GABPA: variants seen among roughly 807,000 people sequenced by gnomAD.
The protein encoded by GABPA is GA binding protein transcription factor subunit alpha.
In GABPA, 4 loss-of-function variants were observed where a neutral mutation model predicts 59.4. That is an observed-to-expected ratio of 0.07 (90% confidence interval 0.03 to 0.15). The LOEUF is 0.15. Among genes scored for constraint, GABPA ranks in the 10% least tolerant of loss-of-function variants. The pLI, the probability that GABPA is intolerant of heterozygous loss-of-function variation, is 1.00. For synonymous variants in GABPA, 164 were observed against 183.1 expected (o/e 0.90, Z 0.84); for missense variants, 251 against 543.8 (o/e 0.46, Z 5.36).
rs1459371363 is a variant in GABPA, at chr21:25,770,991, TAAG to T, written c.*1762_*1764del. On this transcript the variant is annotated 3_prime_UTR_variant, in exon 10 of 10. Coordinates refer to ENST00000400075, the MANE Select transcript of GABPA (RefSeq NM_002040.4). ...TAGTACAATTTGGGCACTGTGGTTT[TAAG>T]AATATCTGAGTAAAATAACAATATG... The T allele has an allele frequency of 1.3e-5, 2 of 152,070 alleles. No homozygotes were observed. The highest frequency in any genetic ancestry group is 4.8e-5 in the African/African-American group (2 of 41,440). The allele number at this position is 152,070 out of a possible 1,614,324, so 9.4% of individuals were successfully genotyped here.
At chr21:25,768,288 C>CCTTT (rs1443035096) in intron 9 of GABPA, among the ~76,000 whole-genome samples, 1 of 151,868 alleles carries the variant, frequency 6.6e-6, no homozygotes. Flanking sequence ...TTCTTTTAGA[C>CCTTT]CTTTTCCTTA....
Position 25,741,652 on chromosome 21 carries a change from G to C in GABPA, c.54G>C (p.Glu18Asp). 6.2e-7 allele frequency: 1 copy of C among 1,612,140 alleles called. No homozygotes were observed. The change falls in exon 2 of 10, where the codon GAG becomes GAC. Residue 18 changes from glutamate to aspartate, a missense_variant. By Grantham distance (45) the Glu-to-Asp change is conservative (BLOSUM62 2). Coordinates refer to ENST00000400075, the MANE Select transcript of GABPA (RefSeq NM_002040.4). ...TAGAAATTGAGATTGATGGAACAGAGAAAGCAGAGTGCACAGAAGAAAGGT... is the reference window on the plus strand; with the variant it reads ...TAGAAATTGAGATTGATGGAACAGACAAAGCAGAGTGCACAGAAGAAAGGT... ...ELIEIEIDGT[E>D]KAECTEESIV...
At chr21:25,741,167 G>A (rs145281523) in intron 1 of GABPA, among the ~76,000 whole-genome samples, 52 of 152,102 alleles carry the variant, frequency 3.4e-4, no homozygotes, top group Middle Eastern at 6.8e-3. Flanking sequence ...GTCTCTTGTC[G>A]CCCATACTGG....
chr21:25,750,562 AAAG>A (rs2035485038), intron 4 of GABPA, among the ~76,000 whole-genome samples: 1 of 152,236 alleles, frequency 6.6e-6, no homozygotes, highest in African/African-American at 2.4e-5. Flanking sequence ...CCAAGTTAGA[AAAG>A]AAAATTAGGA....
chr21:25,748,481 A>G (rs2035425062), intron 3 of GABPA, among the ~76,000 whole-genome samples: 1 of 152,218 alleles, frequency 6.6e-6, no homozygotes, highest in South Asian at 2.1e-4. Flanking sequence ...AGGAAAAAAC[A>G]CTAATACTGA....
Position 25,766,415 on chromosome 21 carries a change from A to G in GABPA, c.1136+1628A>G, listed in dbSNP as rs757613085. On this transcript the variant is annotated intron_variant, in intron 9 of 9. Transcript: ENST00000400075. ...AAGGGAAAGATCAATAAACTGGACTATATTTAAATTAGGAATTTCTGTTCG... is the reference window on the plus strand; with the variant it reads ...AAGGGAAAGATCAATAAACTGGACTGTATTTAAATTAGGAATTTCTGTTCG... Among the ~76,000 whole-genome samples the G allele has an allele frequency of 4.3e-4, 66 of 152,146 alleles. 1 individual carries two copies. The highest frequency in any genetic ancestry group is 3.8e-3 in the Admixed American group (58 of 15,262).
intron 5 of GABPA, among the ~76,000 whole-genome samples, chr21:25,756,356 T>C (rs1010471074): frequency 5.3e-5 from 8 of 152,184 alleles, no homozygotes; most frequent in Admixed American, 1.3e-4. Context: ...GACTTTTACC[T>C]GGGCCTTCTC....
At chr21:25,737,394 A>T (rs569057752) in intron 1 of GABPA, among the ~76,000 whole-genome samples, 2 of 152,258 alleles carry the variant, frequency 1.3e-5, no homozygotes, top group East Asian at 1.9e-4. Flanking sequence ...TGGACTAAGC[A>T]TAGAGAACCA....
chr21:25,765,588 A>G lies in GABPA; in HGVS notation c.1136+801A>G, dbSNP rs974095024. 7.9e-5 allele frequency among the ~76,000 whole-genome samples: 12 copies of G among 152,040 alleles called. 1 individual carries two copies. In the East Asian group the frequency reaches 1.5e-3, roughly 20 times the overall value. Reference sequence around the variant, plus strand: ...ACAGTATTACGGCCATGTAACTATTATTACATAGTTGGCTGTGATTATTTT... The same window carrying G: ...ACAGTATTACGGCCATGTAACTATTGTTACATAGTTGGCTGTGATTATTTT... On this transcript the variant is annotated intron_variant, in intron 9 of 9. Coordinates refer to ENST00000400075, the MANE Select transcript of GABPA (RefSeq NM_002040.4).
chr21:25,752,039 G>C lies in GABPA; in HGVS notation c.358G>C (p.Val120Leu). Reference sequence around the variant, plus strand: ...TGAAATTGTTAAACCTGCGGACACTGTTGAGGTTGTTATTGATCCAGATGC... The same window carrying C: ...TGAAATTGTTAAACCTGCGGACACTCTTGAGGTTGTTATTGATCCAGATGC... The part of the protein sequence containing the change: ...ILEIVKPADT[V>L]EVVIDPDAHH... The change falls in exon 5 of 10, where the codon GTT becomes CTT. Residue 120 changes from valine to leucine, a missense_variant. Physicochemically the swap from Val to Leu is conservative, Grantham distance 32. Transcript: ENST00000400075. 2 of 1,611,046 alleles carry C rather than the reference G, an allele frequency of 1.2e-6. No individual in the cohort carries two copies. The highest frequency in any genetic ancestry group is 1.1e-5 in the South Asian group (1 of 91,018).
chr21:25,740,678 TTAAAA>T (rs992219615), intron 1 of GABPA, among the ~76,000 whole-genome samples: 5 of 152,238 alleles, frequency 3.3e-5, no homozygotes, highest in South Asian at 2.1e-4. Flanking sequence ...AGTGGTCTGT[TTAAAA>T]TAAAACCACC....
intron 5 of GABPA, among the ~76,000 whole-genome samples, chr21:25,754,680 C>T (rs2035591267): frequency 6.6e-6 from 1 of 151,932 alleles, no homozygotes; most frequent in African/African-American, 2.4e-5. Context: ...TTCTGTTTTT[C>T]TTGTGGTTTT....
At chr21:25,762,774 A>G (rs1484550784) in intron 7 of GABPA, among the ~76,000 whole-genome samples, 1 of 152,230 alleles carries the variant, frequency 6.6e-6, no homozygotes, top group Non-Finnish European at 1.5e-5. Flanking sequence ...AGTGTCCAAA[A>G]CAAACTTGAG....
chr21:25,763,120 G>T, intron 7 of GABPA: 1 of 478,138 alleles, frequency 2.1e-6, no homozygotes, highest in South Asian at 1.8e-5. Flanking sequence ...CCATTTTCAT[G>T]TCATCTTTTC....
At chr21:25,735,886 C>T (rs1402020279) in intron 1 of GABPA, among the ~76,000 whole-genome samples, 3 of 152,162 alleles carry the variant, frequency 2.0e-5, no homozygotes, top group East Asian at 1.9e-4. Flanking sequence ...TCCGCGTCCC[C>T]TCCTCGCCCG....
intron 6 of GABPA, among the ~76,000 whole-genome samples, chr21:25,761,146 C>T (rs928695257): frequency 1.3e-5 from 2 of 152,126 alleles, no homozygotes; most frequent in African/African-American, 4.8e-5. Flanking sequence ...GAGGAGAATG[C>T]TCAGAACTAG....
At chr21:25,753,182 G>T (rs1420481122) in intron 5 of GABPA, among the ~76,000 whole-genome samples, 1 of 152,124 alleles carries the variant, frequency 6.6e-6, no homozygotes, top group Non-Finnish European at 1.5e-5. Context: ...AAGCCCAGTT[G>T]GGGAAGTAGA....
At chr21:25,764,148 A>AT in intron 7 of GABPA, 62 bp from the exon 8 acceptor site, 1 of 1,376,890 alleles carries the variant, frequency 7.3e-7, no homozygotes, top group Non-Finnish European at 9.9e-7. Flanking sequence ...GTCTTTCAGT[A>AT]ATTTTTTTTT....
Position 25,749,069 on chromosome 21 carries a change from G to A in GABPA, c.256G>A (p.Val86Ile). 1 of 1,609,444 alleles carries A rather than the reference G, an allele frequency of 6.2e-7. No individual in the cohort carries two copies. The highest frequency in any genetic ancestry group is 8.5e-7 in the Non-Finnish European group (1 of 1,176,106). ...AGAACGAAGTTTATTTGACCAAGGAGTAAAAACAGATGGAACTGTACAGCT... is the reference window on the plus strand; with the variant it reads ...AGAACGAAGTTTATTTGACCAAGGAATAAAAACAGATGGAACTGTACAGCT... ...DPERSLFDQG[V>I]KTDGTVQLSV... The change falls in exon 4 of 10, where the codon GTA becomes ATA. Residue 86 changes from valine to isoleucine, a missense_variant. By Grantham distance (29) the Val-to-Ile change is conservative. Coordinates refer to ENST00000400075, the MANE Select transcript of GABPA (RefSeq NM_002040.4).
Sources: allele counts gnomAD v4.1 joint callset (sites outside exome capture counted in the v4.1 genomes callset), GRCh38; gene constraint gnomAD v4.1.1; transcripts MANE v1.5; gene names NCBI Gene and HGNC (gene_info 2026-07-23, HGNC 2026-07-21).